The following NDRG3 variants were observed in gnomAD, a reference collection of about 807,000 sequenced individuals.
NDRG3 encodes protein NDRG3.
Under a neutral mutation model 57.2 loss-of-function variants are expected in NDRG3, and 23 were observed. The observed-to-expected ratio is 0.40, with a 90% CI of 0.29 to 0.57. NDRG3 has a LOEUF of 0.57. Ranked by LOEUF, NDRG3 falls within the 20% of genes least tolerant of loss-of-function variation. The pLI is 0.42. For synonymous variants in NDRG3, 132 were observed against 162.6 expected, an observed-to-expected ratio of 0.81 and a Z score of 1.43; for missense variants, 384 against 457.3, an observed-to-expected ratio of 0.84 and a Z score of 1.46.
intron 1 of NDRG3, among the ~76,000 whole-genome samples, chr20:36,736,458 T>G (rs916140141): frequency 3.9e-5 from 6 of 152,236 alleles, no homozygotes; most frequent in Non-Finnish European, 8.8e-5. Context: ...GCATGCGGAT[T>G]CCTAGCTCAG....
intron 3 of NDRG3, among the ~76,000 whole-genome samples, chr20:36,705,372 T>G (rs1215500267): frequency 6.6e-6 from 1 of 151,854 alleles, no homozygotes; most frequent in Non-Finnish European, 1.5e-5. Context: ...AAAACCCATC[T>G]TGTAATATTG....
At chr20:36,669,665 G>A (rs762931664) in intron 9 of NDRG3, among the ~76,000 whole-genome samples, 1 of 151,878 alleles carries the variant, frequency 6.6e-6, no homozygotes, top group Non-Finnish European at 1.5e-5. Context: ...GCGCGCGGCC[G>A]ATTTTTGAAT....
Position 36,745,990 on chromosome 20 carries a change from C to G in NDRG3, c.-49+55G>C, listed in dbSNP as rs1035614763. ...GAAGGAGCAGGGCAAAGGAGCGACGCCCCCGAATGCGGCGCCGCGCGCCCC... is the reference window on the plus strand; with the variant it reads ...GAAGGAGCAGGGCAAAGGAGCGACGGCCCCGAATGCGGCGCCGCGCGCCCC... On this transcript the variant is annotated intron_variant, in intron 1 of 15. Coordinates refer to ENST00000349004, the MANE Select transcript of NDRG3 (RefSeq NM_032013.4). 3 of 318,782 alleles carry G rather than the reference C, an allele frequency of 9.4e-6. No homozygotes were observed. In the Admixed American group the frequency reaches 1.5e-4, roughly 16 times the overall value. 19.7% of individuals were successfully genotyped at this position (318,782 alleles called of 1,614,324 possible).
rs899384557 is a variant in NDRG3 at position 36,688,818 on chromosome 20, C to G, written c.94-34G>C. The stretch of plus-strand genomic sequence containing the variant: ...AGAGAATGTAAGTTCTCAGAAAAAG[C>G]AGAATGAACTTCCCAGGTTGCCAAA... On this transcript the variant is annotated intron_variant, in intron 3 of 15. Transcript: ENST00000349004. The G allele has an allele frequency of 2.0e-6, 3 of 1,529,954 alleles. No individual in the cohort carries two copies. The African/African-American group carries it at 4.1e-5, about 21-fold the overall frequency. 94.8% of individuals were successfully genotyped at this position (1,529,954 alleles called of 1,614,324 possible).
chr20:36,689,877 C>G (rs938538790), intron 3 of NDRG3, among the ~76,000 whole-genome samples: 2 of 151,946 alleles, frequency 1.3e-5, no homozygotes, highest in African/African-American at 4.8e-5. Flanking sequence ...CCTGCCACCA[C>G]GCCCAGCTAA....
At chr20:36,723,659 A>AGTGT (rs36022065) in intron 1 of NDRG3, among the ~76,000 whole-genome samples, 10,459 of 132,814 alleles carry the variant, frequency 0.079, 465 homozygotes, top group African/African-American at 0.088. Context: ...ATATTAGTCT[A>AGTGT]GTGTGTGTGT....
intron 2 of NDRG3, among the ~76,000 whole-genome samples, chr20:36,711,046 C>CT (rs1401241145): frequency 2.7e-5 from 4 of 150,184 alleles, no homozygotes; most frequent in Non-Finnish European, 5.9e-5. Flanking sequence ...TTTGGGAGTC[C>CT]GGGGCGGGTG....
At chr20:36,660,436 A>G in intron 12 of NDRG3, 52 bp from the exon 13 acceptor site, 1 of 1,398,362 alleles carries the variant, frequency 7.2e-7, no homozygotes, top group Non-Finnish European at 1.0e-6. Context: ...CTAGGAAAAA[A>G]AACGAAATAG....
chr20:36,704,416 T>G (rs1983428709), intron 3 of NDRG3, among the ~76,000 whole-genome samples: 2 of 152,140 alleles, frequency 1.3e-5, no homozygotes, highest in Non-Finnish European at 2.9e-5. Context: ...CTGAATTTGA[T>G]GAAAATTAAT....
chr20:36,717,091 A>G (rs768113361), intron 2 of NDRG3, among the ~76,000 whole-genome samples: 1 of 152,256 alleles, frequency 6.6e-6, no homozygotes, highest in Non-Finnish European at 1.5e-5. Context: ...ATGCCCATGC[A>G]ATTTCTGTCC....
intron 3 of NDRG3, among the ~76,000 whole-genome samples, chr20:36,689,668 G>A (rs1982091214): frequency 6.6e-6 from 1 of 151,920 alleles, no homozygotes; most frequent in Non-Finnish European, 1.5e-5. Context: ...TGGAGTCAGG[G>A]AGGCATCTGG....
rs1300720678 is a variant in NDRG3, at chr20:36,714,959, G to A, written c.57+6720C>T. ...AAATCTGTTCAAACTGATAATCCAG[G>A]GATAAGAATGAAAATCCTATATCTG... is the stretch of plus-strand genomic sequence containing the variant. On this transcript the variant is annotated intron_variant, in intron 2 of 15. Coordinates refer to ENST00000349004, the MANE Select transcript of NDRG3 (RefSeq NM_032013.4). 7.5e-5 allele frequency among the ~76,000 whole-genome samples: 9 copies of A among 119,746 alleles called. No individual in the cohort carries two copies. In the Admixed American group the frequency reaches 9.6e-4, roughly 13 times the overall value. 78.6% of individuals were successfully genotyped at this position (119,746 alleles called of 152,430 possible).
intron 3 of NDRG3, among the ~76,000 whole-genome samples, chr20:36,700,055 A>C (rs537963867): frequency 7.3e-5 from 11 of 149,698 alleles, no homozygotes; most frequent in African/African-American, 2.7e-4. Flanking sequence ...CGGAGGTTTC[A>C]GTGAGCCAAG....
At chr20:36,696,475 G>A (rs947050680) in intron 3 of NDRG3, among the ~76,000 whole-genome samples, 1 of 151,700 alleles carries the variant, frequency 6.6e-6, no homozygotes, top group African/African-American at 2.4e-5. Flanking sequence ...GCCACCGCGT[G>A]TGGCCTCTGG....
At chr20:36,679,845 A>T (rs1032642108) in intron 8 of NDRG3, among the ~76,000 whole-genome samples, 1 of 149,982 alleles carries the variant, frequency 6.7e-6, no homozygotes, top group Non-Finnish European at 1.5e-5. Context: ...TTTTTTTCAG[A>T]TGGAGTTTTG....
chr20:36,669,949 A>C (rs1980003291), intron 9 of NDRG3, among the ~76,000 whole-genome samples: 1 of 152,208 alleles, frequency 6.6e-6, no homozygotes, highest in Non-Finnish European at 1.5e-5. Flanking sequence ...CAGTAATAAA[A>C]AAGAATGAAC....
At chr20:36,710,156 T>TA (rs1240621014) in intron 2 of NDRG3, among the ~76,000 whole-genome samples, 1 of 151,592 alleles carries the variant, frequency 6.6e-6, no homozygotes, top group Non-Finnish European at 1.5e-5. Context: ...CCCATCTCTA[T>TA]AAAAAATGCA....
intron 1 of NDRG3, among the ~76,000 whole-genome samples, chr20:36,740,439 C>T (rs1363629645): frequency 2.0e-5 from 3 of 151,312 alleles, no homozygotes; most frequent in South Asian, 4.2e-4. Flanking sequence ...CTCTGCCTCC[C>T]GGGTTCAAGC....
chr20:36,723,609 A>AT (rs1178951349), intron 1 of NDRG3, among the ~76,000 whole-genome samples: 4 of 150,860 alleles, frequency 2.7e-5, no homozygotes, highest in Non-Finnish European at 1.5e-5. Context: ...AGGAGAAGCA[A>AT]TTATGTCTGA....
Sources: allele counts gnomAD v4.1 joint callset (sites outside exome capture counted in the v4.1 genomes callset), GRCh38; gene constraint gnomAD v4.1.1; transcripts MANE v1.5; gene names NCBI Gene and HGNC (gene_info 2026-07-23, HGNC 2026-07-21).